SORBS2: variants seen among roughly 807,000 people sequenced by gnomAD.
SORBS2 encodes the protein sorbin and SH3 domain-containing protein 2.
SORBS2 carries 46 observed loss-of-function variants against 97.7 expected under a neutral mutation model. That is an observed-to-expected ratio of 0.47 (90% CI 0.37 to 0.60). SORBS2 has a LOEUF of 0.60. Ranked by LOEUF, SORBS2 falls within the 20% of genes least tolerant of loss-of-function variation. The pLI, the probability that SORBS2 is intolerant of heterozygous loss-of-function variation, is 0.00. For synonymous variants in SORBS2, 476 were observed against 473.4 expected (o/e 1.01, Z -0.07); for missense variants, 1,316 against 1,282.3 (o/e 1.03, Z -0.40).
At chr4:185,741,393 C>CTT (rs1210677956) in intron 2 of SORBS2, among the ~76,000 whole-genome samples, 61 of 119,454 alleles carry the variant, frequency 5.1e-4, no homozygotes, top group East Asian at 1.2e-3. Flanking sequence ...TCTTTCTTTT[C>CTT]TTTTTTTTTT....
intron 1 of SORBS2, among the ~76,000 whole-genome samples, chr4:185,801,674 CTCT>C (rs2099131515): frequency 2.7e-5 from 4 of 149,594 alleles, no homozygotes; most frequent in African/African-American, 9.9e-5. Context: ...TCATCTCTCT[CTCT>C]CTCTCTCTCT....
Position 185,757,004 on chromosome 4 carries a change from T to C in SORBS2, c.-198+18223A>G, listed in dbSNP as rs1016408503. The stretch of plus-strand genomic sequence containing the variant: ...CCTGGAGGACGTTAACCAATTCTGC[T>C]ATCACAAAGACGTGAGTGGCATCAA... On this transcript the variant is annotated intron_variant, in intron 2 of 20. Transcript: ENST00000284776. 38 of 1,232,320 alleles carry C rather than the reference T, an allele frequency of 3.1e-5. No homozygotes were observed. In the Admixed American group the frequency reaches 5.3e-4, roughly 17 times the overall value. The allele number at this position is 1,232,320 out of a possible 1,614,324, so 76.3% of individuals were successfully genotyped here. A position where few individuals can be genotyped will look rare whatever the true frequency, so the allele number is the denominator to read the frequency against.
At chr4:185,947,190 T>C (rs749525228) in intron 1 of SORBS2, among the ~76,000 whole-genome samples, 1 of 152,214 alleles carries the variant, frequency 6.6e-6, no homozygotes, top group Non-Finnish European at 1.5e-5. Flanking sequence ...AACCTGTGCA[T>C]GTGGTTGGTC....
chr4:185,912,378 A>G (rs1435612148), intron 1 of SORBS2, among the ~76,000 whole-genome samples: 1 of 152,032 alleles, frequency 6.6e-6, no homozygotes, highest in African/African-American at 2.4e-5. Flanking sequence ...TGAGGTCAGG[A>G]GTTCGAGACC....
chr4:185,765,167 C>A (rs1252882408), intron 2 of SORBS2, among the ~76,000 whole-genome samples: 1 of 152,022 alleles, frequency 6.6e-6, no homozygotes, highest in African/African-American at 2.4e-5. Flanking sequence ...TATGAAAAGA[C>A]CCTCATGAAA....
chr4:185,621,344 T>G (rs1404328812), intron 7 of SORBS2, among the ~76,000 whole-genome samples: 1 of 152,122 alleles, frequency 6.6e-6, no homozygotes, highest in Non-Finnish European at 1.5e-5. Context: ...TTCACTTGGG[T>G]GAAACACAAT....
At chr4:185,797,802 T>C (rs957475985) in intron 1 of SORBS2, among the ~76,000 whole-genome samples, 1 of 152,146 alleles carries the variant, frequency 6.6e-6, no homozygotes, top group African/African-American at 2.4e-5. Flanking sequence ...CTCCCTACTG[T>C]TCCTACATTC....
intron 2 of SORBS2, among the ~76,000 whole-genome samples, chr4:185,716,858 G>T (rs544507961): frequency 3.9e-5 from 6 of 152,334 alleles, no homozygotes; most frequent in African/African-American, 4.8e-5. Context: ...GATGCTGTGA[G>T]CGGTCCACCC....
chr4:185,806,558 CG>C (rs1314510118), intron 1 of SORBS2, among the ~76,000 whole-genome samples: 2 of 147,834 alleles, frequency 1.4e-5, no homozygotes, highest in African/African-American at 5.0e-5. Context: ...CCCGGGTTCA[CG>C]CCATTCTCCT....
rs9995155 is a variant in SORBS2 at position 185,912,350 on chromosome 4, C to T, written c.-338+43846G>A. On this transcript the variant is annotated intron_variant, in intron 1 of 20. Coordinates refer to the SORBS2 transcript ENST00000284776. ...CTGTAATCGCAGCACTTTGGAAGGC[C>T]GAGGCGGGTGGATCATCTGAGGTCA... is the stretch of plus-strand genomic sequence containing the variant. Among the ~76,000 whole-genome samples, 996 of 151,958 alleles carry T rather than the reference C, an allele frequency of 6.6e-3. 14 individuals are homozygous for T. Among genetic ancestry groups the T allele is most frequent in the African/African-American group, 0.023 (951 of 41,412 alleles).
At chr4:185,948,085 C>G (rs991813282) in intron 1 of SORBS2, among the ~76,000 whole-genome samples, 5 of 152,004 alleles carry the variant, frequency 3.3e-5, no homozygotes, top group Non-Finnish European at 5.9e-5. Context: ...TACTCTGGCT[C>G]GTTTCTGTAG....
intron 5 of SORBS2, 71 bp downstream of exon 8, chr4:185,662,033 A>T: frequency 1.3e-6 from 2 of 1,563,246 alleles, no homozygotes; most frequent in Middle Eastern, 1.9e-4. Flanking sequence ...TTGATGCCGC[A>T]TATCTTTCTC....
intron 1 of SORBS2, among the ~76,000 whole-genome samples, chr4:185,803,813 T>C (rs1299683516): frequency 6.6e-6 from 1 of 152,154 alleles, no homozygotes. Context: ...ATAAAGTGAG[T>C]GTGAAAGAAT....
At chr4:185,775,582 G>A (rs996760443) in intron 1 of SORBS2, 3 of 152,182 alleles carry the variant, frequency 2.0e-5, no homozygotes, top group African/African-American at 4.8e-5. Context: ...TTGGTTCATT[G>A]TGCAAATATT....
chr4:185,835,440 A>T lies in SORBS2; in HGVS notation c.-337-60074T>A, dbSNP rs546304618. Among the ~76,000 whole-genome samples the T allele has an allele frequency of 5.9e-5, 9 of 152,316 alleles. No homozygotes were observed. The East Asian group carries it at 1.7e-3, about 29-fold the overall frequency. ...CTTGTTTAGTGGAAGATGGAATGAA[A>T]CCATATTATCTCACATTCAGGTGAA... On this transcript the variant is annotated intron_variant, in intron 1 of 20. Coordinates refer to the SORBS2 transcript ENST00000284776.
intron 12 of SORBS2, among the ~76,000 whole-genome samples, chr4:185,597,274 G>A (rs1302227979): frequency 6.6e-6 from 1 of 152,116 alleles, no homozygotes; most frequent in Non-Finnish European, 1.5e-5. Context: ...GACAAGATGA[G>A]GGTTAATCGG....
chr4:185,636,648 A>ATTT (rs1228463050), intron 4 of SORBS2, among the ~76,000 whole-genome samples: 9,395 of 133,890 alleles, frequency 0.07, 437 homozygotes, highest in Non-Finnish European at 0.099. Flanking sequence ...CCAGTTGACT[A>ATTT]TTTTTTTTTT....
At chr4:185,745,190 G>T (rs1318346535) in intron 2 of SORBS2, among the ~76,000 whole-genome samples, 1 of 152,132 alleles carries the variant, frequency 6.6e-6, no homozygotes, top group African/African-American at 2.4e-5. Flanking sequence ...GGAGAGGGAG[G>T]GATGCTGCAA....
exon 7 of SORBS2, chr4:185,624,441 C>A (rs536778814): frequency 6.2e-7 from 1 of 1,613,802 alleles, no homozygotes. Flanking sequence ...GAGGGGTTGC[C>A]GTTGAGCCCT....
Sources: gnomAD v4.1 joint callset for allele counts (sites outside exome capture counted in the v4.1 genomes callset) on GRCh38, gnomAD v4.1.1 for gene constraint, MANE v1.5 for transcripts, NCBI Gene and HGNC (gene_info 2026-07-23, HGNC 2026-07-21) for gene names.